The following AP3B2 variants were observed in gnomAD, a reference collection of about 807,000 sequenced individuals.
AP3B2 encodes adaptor related protein complex 3 subunit beta 2, also known as AP-3 complex subunit beta-2.
In AP3B2, 50 loss-of-function variants were observed where a neutral mutation model predicts 126.9. The observed-to-expected ratio is 0.39, with a 90% confidence interval of 0.31 to 0.50. The LOEUF (loss-of-function observed/expected upper bound fraction) is 0.50, where lower values mean the gene tolerates loss of function less well. Ranked by LOEUF, AP3B2 falls within the 20% of genes least tolerant of loss-of-function variation. The pLI is 0.79. For missense variants in AP3B2, 1,177 were observed against 1,426.4 expected (o/e 0.83, Z 2.82); for synonymous variants, 541 against 565.0 (o/e 0.96, Z 0.60).
chr15:82,668,901 C>T (rs1300587717), intron 14 of AP3B2, among the ~76,000 whole-genome samples: 1 of 152,224 alleles, frequency 6.6e-6, no homozygotes. Context: ...TTTCCATAAC[C>T]TATGCCAACA....
chr15:82,691,227 CA>C (rs2048526608), intron 1 of AP3B2, among the ~76,000 whole-genome samples: 1 of 152,228 alleles, frequency 6.6e-6, no homozygotes, highest in South Asian at 2.1e-4. Flanking sequence ...CTCCCACCAA[CA>C]GTGTAAAAAT....
intron 14 of AP3B2, among the ~76,000 whole-genome samples, chr15:82,667,956 C>T (rs138070579): frequency 3.9e-5 from 6 of 152,114 alleles, no homozygotes; most frequent in East Asian, 1.9e-4. Context: ...AAGTGGTCAA[C>T]AAGCAGAATG....
At position 82,664,320 on chromosome 15, in the gene AP3B2, G is replaced by C. The variant is rs754960713; in HGVS notation, c.2261+47C>G. Reference sequence around the variant, plus strand: ...AGCTCAATGCTAGCCCTCTTTCCAGGAAAGCCCCCTGAACCCCACCAGCCA... The same window carrying C: ...AGCTCAATGCTAGCCCTCTTTCCAGCAAAGCCCCCTGAACCCCACCAGCCA... On this transcript the variant is annotated intron_variant, in intron 19 of 26. Coordinates refer to ENST00000535359, the MANE Select transcript of AP3B2 (RefSeq NM_001278512.2). The surrounding 1 kb of genome is among the most constrained non-coding windows in gnomAD (Gnocchi z 4.5). 2 of 1,612,326 alleles carry C rather than the reference G, an allele frequency of 1.2e-6. No homozygotes were observed. The highest frequency in any genetic ancestry group is 1.7e-6 in the Non-Finnish European group (2 of 1,179,660).
intron 1 of AP3B2, among the ~76,000 whole-genome samples, chr15:82,703,394 C>T (rs955759143): frequency 2.6e-5 from 4 of 151,992 alleles, no homozygotes; most frequent in African/African-American, 7.3e-5. Flanking sequence ...AAGCACCCCC[C>T]ACCCCTTCTC....
intron 4 of AP3B2, chr15:82,688,452 CGG>C (rs58262206): frequency 1.4e-6 from 1 of 702,076 alleles, no homozygotes; most frequent in Admixed American, 2.0e-5. Context: ...CTCCACTCTC[CGG>C]GGGCTCAAGT....
intron 13 of AP3B2, 148 bp from the exon 14 acceptor site, chr15:82,676,785 A>G (rs2048249090): frequency 1.4e-6 from 1 of 724,918 alleles, no homozygotes; most frequent in Non-Finnish European, 2.2e-6. Context: ...GTGGTGAGAT[A>G]GAGAGAGGTT....
intron 21 of AP3B2, 59 bp from the exon 22 acceptor site, chr15:82,663,292 G>C (rs755294386): frequency 4.4e-6 from 6 of 1,350,828 alleles, no homozygotes; most frequent in Non-Finnish European, 6.3e-6. Context: ...GTTGAGCAGG[G>C]AGCCTAGGGA....
At position 82,679,613 on chromosome 15, in the gene AP3B2, C is replaced by T. The variant is rs964200922; in HGVS notation, c.1182+116G>A. Reference sequence around the variant, plus strand: ...CAGCTCCAGCTGGGGCAGTCATGGGCTCCTGGGCTCAGCCCCAGGAATAGG... The same window carrying T: ...CAGCTCCAGCTGGGGCAGTCATGGGTTCCTGGGCTCAGCCCCAGGAATAGG... On this transcript the variant is annotated intron_variant, in intron 10 of 26. Coordinates refer to ENST00000535359, the MANE Select transcript of AP3B2 (RefSeq NM_001278512.2). 100 of 968,160 alleles carry T rather than the reference C, an allele frequency of 1.0e-4. No homozygotes were observed. The African/African-American group carries it at 1.3e-3, about 13-fold the overall frequency. 60.0% of individuals were successfully genotyped at this position (968,160 alleles called of 1,614,324 possible).
intron 14 of AP3B2, among the ~76,000 whole-genome samples, chr15:82,668,244 C>A (rs966403035): frequency 6.6e-6 from 1 of 152,230 alleles, no homozygotes; most frequent in Admixed American, 6.5e-5. Flanking sequence ...TCAGCTCAGT[C>A]CCTTCCAGCA....
chr15:82,678,003 G>T, intron 11 of AP3B2, 102 bp downstream of exon 11: 1 of 1,434,970 alleles, frequency 7.0e-7, no homozygotes. Context: ...TAAGATAATA[G>T]TTTCTCCAGC....
At chr15:82,692,137 G>A in intron 1 of AP3B2, 2 of 1,495,016 alleles carry the variant, frequency 1.3e-6, no homozygotes, top group Non-Finnish European at 1.8e-6. Flanking sequence ...AACTCCACAC[G>A]AAGCCGACAC....
intron 1 of AP3B2, chr15:82,699,649 T>C: frequency 2.5e-6 from 1 of 399,922 alleles, no homozygotes; most frequent in Non-Finnish European, 4.4e-6. Flanking sequence ...TGGCTGGCTC[T>C]GGCTCTGGCT....
chr15:82,692,710 A>G (rs2048562061), intron 1 of AP3B2: 1 of 153,050 alleles, frequency 6.5e-6, no homozygotes, highest in Admixed American at 6.5e-5. Flanking sequence ...AGGGTCCCAG[A>G]GACTCCATAG....
rs977500641 is a variant in AP3B2, at chr15:82,663,222, T to G, written c.2509A>C (p.Ser837Arg). ...LLDLEDFTPP[S>R]VQPVSPPAIV... ...GCTGGGGGAGACACAGGCTGGACAC[T>G]GGGAGGGGTGACTGTGGGAGTAGAT... Residue 837 changes from serine (S) to arginine (R), a missense_variant, in exon 22 of 27, where the codon AGT (serine) becomes CGT (arginine). By Grantham distance (110) the Ser-to-Arg change is moderately radical (BLOSUM62 -1). Around this residue, in one of 5 missense-constraint regions of AP3B2, gnomAD observed 587 missense variants for 571.3 expected, o/e 1.03. Transcript: ENST00000535359. 1 of 1,612,518 alleles carries G rather than the reference T, an allele frequency of 6.2e-7. No individual in the cohort carries two copies.
intron 1 of AP3B2, among the ~76,000 whole-genome samples, chr15:82,697,238 G>A (rs1013632369): frequency 6.6e-6 from 1 of 152,108 alleles, no homozygotes; most frequent in Non-Finnish European, 1.5e-5. Context: ...GTAGGCTGAG[G>A]CAGGAGAATG....
rs2048016813 is a variant in AP3B2 at position 82,664,486 on chromosome 15, A to G, written c.2142T>C (p.Pro714=). 6.2e-7 allele frequency: 1 copy of G among 1,613,028 alleles called. No individual in the cohort carries two copies. The highest frequency in any genetic ancestry group is 8.5e-7 in the Non-Finnish European group (1 of 1,179,486). Residue 714 remains proline (P), a synonymous_variant, in exon 19 of 27, where the codon CCT becomes CCC. Transcript: ENST00000535359. The surrounding 1 kb of genome is among the most constrained non-coding windows in gnomAD (Gnocchi z 4.5). ...SGPTESADSD[P]ESESESDSKS... The stretch of plus-strand genomic sequence containing the variant: ...TACTGTCCGATTCACTCTCAGACTC[A>G]GGGTCTGTGGAGGAACAATATGAGG...
chr15:82,660,738 T>C (rs190263641), intron 25 of AP3B2, among the ~76,000 whole-genome samples: 6 of 152,302 alleles, frequency 3.9e-5, no homozygotes, highest in African/African-American at 1.4e-4. Flanking sequence ...ATCCCCTTCA[T>C]TCATGACTAA....
Position 82,664,118 on chromosome 15 carries a change from C to G in AP3B2, c.2262-143G>C. On this transcript the variant is annotated intron_variant, in intron 19 of 26. Coordinates refer to ENST00000535359, the MANE Select transcript of AP3B2 (RefSeq NM_001278512.2). This position sits in a 1 kb window ranked among gnomAD's most constrained non-coding sequence, Gnocchi z 4.5. ...CACACCTGAGGTCCTATAGCAGGGA[C>G]CCCGTGAGAGCTTGAAGCCAGCTTG... 1.4e-6 allele frequency: 2 copies of G among 1,394,914 alleles called. No homozygotes were observed. Among genetic ancestry groups the G allele is most frequent in the Non-Finnish European group, 1.9e-6 (2 of 1,057,690 alleles). The allele number at this position is 1,394,914 out of a possible 1,614,324, so 86.4% of individuals were successfully genotyped here. A position where few individuals can be genotyped will look rare whatever the true frequency, so the allele number is the denominator to read the frequency against.
intron 14 of AP3B2, among the ~76,000 whole-genome samples, chr15:82,674,147 G>A (rs895351994): frequency 2.6e-5 from 4 of 152,196 alleles, no homozygotes; most frequent in African/African-American, 9.7e-5. Flanking sequence ...CATGCCGTGG[G>A]CCCATGTCCA....
Sources: gnomAD v4.1 joint callset for allele counts (sites outside exome capture counted in the v4.1 genomes callset) on GRCh38, gnomAD v4.1.1 for gene constraint, gnomAD v4.1.1 regional missense constraint, Gnocchi (gnomAD v3.1) non-coding constraint, MANE v1.5 for transcripts, NCBI Gene and HGNC (gene_info 2026-07-23, HGNC 2026-07-21) for gene names.